The following ARHGEF1 variants were observed in gnomAD, a reference collection of about 807,000 sequenced individuals.
The protein encoded by ARHGEF1 is 115 kDa guanine nucleotide exchange factor.
In ARHGEF1, 40 loss-of-function variants were observed where a neutral mutation model predicts 119.7. That is an observed-to-expected ratio of 0.33 (90% CI 0.26 to 0.44). The LOEUF (loss-of-function observed/expected upper bound fraction) is 0.44. Ranked by LOEUF, ARHGEF1 falls within the 20% of genes least tolerant of loss-of-function variation. The pLI is 1.00. For synonymous variants in ARHGEF1, 494 were observed against 521.0 expected (o/e 0.95, Z 0.71); for missense variants, 976 against 1,268.3 (o/e 0.77, Z 3.50).
At chr19:41,907,604 C>T, downstream of ARHGEF1, 1 of 586,356 alleles carries the variant, frequency 1.7e-6, no homozygotes, top group Non-Finnish European at 2.9e-6. Flanking sequence ...ACCGTTACTC[C>T]CCAGGCACTC....
intron 1 of ARHGEF1, among the ~76,000 whole-genome samples, chr19:41,926,417 A>G (rs2074870683): frequency 6.6e-6 from 1 of 152,136 alleles, no homozygotes; most frequent in African/African-American, 2.4e-5. Context: ...AAGGGGGAAC[A>G]TGGATGTGAC....
Position 41,902,910 on chromosome 19 carries a change from C to G in ARHGEF1, c.1738+12C>G. The G allele has an allele frequency of 6.4e-7, 1 of 1,559,682 alleles. No individual in the cohort carries two copies. The highest frequency in any genetic ancestry group is 8.7e-7 in the Non-Finnish European group (1 of 1,154,442). On this transcript the variant is annotated intron_variant, in intron 18 of 28. Coordinates refer to ENST00000354532, the MANE Select transcript of ARHGEF1 (RefSeq NM_004706.4). This position sits in a 1 kb window ranked among gnomAD's most constrained non-coding sequence, Gnocchi z 6.5. ...CGGGCAGAACACAGGTACCGCGGGC[C>G]TGGATCTCTGGGCCTCGGCTCTCCT...
intron 1 of ARHGEF1, chr19:41,927,999 G>A (rs1011850434): frequency 6.6e-6 from 1 of 150,848 alleles, no homozygotes; most frequent in Non-Finnish European, 1.5e-5. Flanking sequence ...GGGAATCCCC[G>A]CCCCCTCCCC....
chr19:41,921,057 G>A (rs566567032), upstream of ARHGEF1, among the ~76,000 whole-genome samples: 160 of 152,338 alleles, frequency 1.1e-3, no homozygotes, highest in African/African-American at 3.4e-3. The surrounding 1 kb of genome is among the most constrained non-coding windows in gnomAD (Gnocchi z 4.4). Flanking sequence ...GAGGGGTGGC[G>A]AGGGAGCGTC....
At chr19:41,895,164 G>A (rs1568815651) in intron 11 of ARHGEF1, among the ~76,000 whole-genome samples, 185 bp from the exon 12 acceptor site, 1 of 151,496 alleles carries the variant, frequency 6.6e-6, no homozygotes, top group Non-Finnish European at 1.5e-5. Flanking sequence ...TGAGGGAGGA[G>A]GGGCTGGGGG....
chr19:41,921,180 T>A (rs1235837631), upstream of ARHGEF1, among the ~76,000 whole-genome samples: 1 of 151,528 alleles, frequency 6.6e-6, no homozygotes, highest in African/African-American at 2.4e-5. This position sits in a 1 kb window ranked among gnomAD's most constrained non-coding sequence, Gnocchi z 4.4. Flanking sequence ...GAGGTCTGGC[T>A]GCTCCCCAAC....
At chr19:41,908,130 G>T, downstream of ARHGEF1, 1 of 975,698 alleles carries the variant, frequency 1.0e-6, no homozygotes, top group South Asian at 5.2e-5. This position sits in a 1 kb window ranked among gnomAD's most constrained non-coding sequence, Gnocchi z 6.7. Context: ...GACCTGGGAG[G>T]TGCTGAGGGC....
Position 41,902,739 on chromosome 19 carries a change from G to T in ARHGEF1, c.1624-45G>T, listed in dbSNP as rs1344703867. On this transcript the variant is annotated intron_variant, in intron 17 of 28. Coordinates refer to ENST00000354532, the MANE Select transcript of ARHGEF1 (RefSeq NM_004706.4). The surrounding 1 kb of genome is among the most constrained non-coding windows in gnomAD (Gnocchi z 6.5). ...CTCCTAGGTGCCTGCGCCCTGGGGT[G>T]AGCCCAAAGCCTGGGCCATCGCAAC... 1 of 1,613,222 alleles carries T rather than the reference G, an allele frequency of 6.2e-7. No individual in the cohort carries two copies. The highest frequency in any genetic ancestry group is 1.3e-5 in the African/African-American group (1 of 75,038).
Position 41,904,793 on chromosome 19 carries a change from T to G in ARHGEF1, c.2162-156T>G, listed in dbSNP as rs2074663642. 6.6e-6 allele frequency among the ~76,000 whole-genome samples: 1 copy of G among 151,944 alleles called. No homozygotes were observed. The highest frequency in any genetic ancestry group is 1.5e-5 in the Non-Finnish European group (1 of 67,980). ...GAGAGGTGGGGCTCAGGAGGACACATCGGGCCCTGGATATTAGCAGACAGT... is the reference window on the plus strand; with the variant it reads ...GAGAGGTGGGGCTCAGGAGGACACAGCGGGCCCTGGATATTAGCAGACAGT... On this transcript the variant is annotated intron_variant, in intron 22 of 28. Transcript: ENST00000354532. The surrounding 1 kb of genome is among the most constrained non-coding windows in gnomAD (Gnocchi z 8.4).
At chr19:41,914,029 A>G (rs1201175373) in intron 18 of ARHGEF1, among the ~76,000 whole-genome samples, 9 of 146,676 alleles carry the variant, frequency 6.1e-5, no homozygotes, top group Non-Finnish European at 1.2e-4. Context: ...CCAGCCAGAA[A>G]CCCCTCAGAC....
chr19:41,923,428 TAC>T (rs1442073820), intron 1 of ARHGEF1, among the ~76,000 whole-genome samples: 4 of 148,326 alleles, frequency 2.7e-5, no homozygotes, highest in Non-Finnish European at 6.0e-5. Context: ...ACCAGAGAAA[TAC>T]AGAGAACAAA....
At chr19:41,912,970 G>C in intron 18 of ARHGEF1, 1 of 999,842 alleles carries the variant, frequency 1.0e-6, no homozygotes, top group Non-Finnish European at 1.3e-6. Flanking sequence ...GACGGGGTGG[G>C]CAGGAGAGAC....
rs1555852017 is a variant in ARHGEF1 at position 41,917,014 on chromosome 19, G to A, written c.1866-6078G>A. Among the ~76,000 whole-genome samples the A allele has an allele frequency of 6.6e-6, 1 of 152,100 alleles. No homozygotes were observed. Among genetic ancestry groups the A allele is most frequent in the African/African-American group, 2.4e-5 (1 of 41,408 alleles). Reference sequence around the variant, plus strand: ...CCCAAGCATGTCTCTGCATGGGTGTGTGTGTGTGTGTGCACATATGTGACA... The same window carrying A: ...CCCAAGCATGTCTCTGCATGGGTGTATGTGTGTGTGTGCACATATGTGACA... On this transcript the variant is annotated intron_variant, in intron 18 of 20. Coordinates refer to the ARHGEF1 transcript ENST00000599589. The surrounding 1 kb of genome is among the most constrained non-coding windows in gnomAD (Gnocchi z 4.8).
chr19:41,907,409 C>A lies in ARHGEF1; in HGVS notation c.*322C>A. 6.5e-7 allele frequency: 1 copy of A among 1,533,294 alleles called. No individual in the cohort carries two copies. The highest frequency in any genetic ancestry group is 8.7e-7 in the Non-Finnish European group (1 of 1,145,974). The allele number at this position is 1,533,294 out of a possible 1,614,324, so 95.0% of individuals were successfully genotyped here. Reference sequence around the variant, plus strand: ...AAGTGCCTTCGCTCTGTTTTTATACCCTGAATTGGAGGTTTATTTTTTAAT... The same window carrying A: ...AAGTGCCTTCGCTCTGTTTTTATACACTGAATTGGAGGTTTATTTTTTAAT... On this transcript the variant is annotated 3_prime_UTR_variant, in exon 29 of 29. Transcript: ENST00000354532.
intron 1 of ARHGEF1, chr19:41,927,901 G>C (rs930608061): frequency 2.0e-5 from 3 of 151,654 alleles, no homozygotes; most frequent in African/African-American, 7.3e-5. Context: ...CGGGGCGGAT[G>C]ACCCCATCCG....
rs192543176 is a variant in ARHGEF1, at chr19:41,902,410, C to T, written c.1497+54C>T. ...CAGCTAGACACATGGAATTCAGGCC[C>T]GGGACGGGTCCTGAGCCCACCCTAC... is the stretch of plus-strand genomic sequence containing the variant. On this transcript the variant is annotated intron_variant, in intron 16 of 28. Transcript: ENST00000354532. This position sits in a 1 kb window ranked among gnomAD's most constrained non-coding sequence, Gnocchi z 6.5. 4.9e-5 allele frequency: 79 copies of T among 1,612,232 alleles called. No homozygotes were observed. The Admixed American group carries it at 1.0e-3, about 20-fold the overall frequency.
chr19:41,918,978 A>T (rs1555852182), upstream of ARHGEF1, among the ~76,000 whole-genome samples: 1 of 151,546 alleles, frequency 6.6e-6, no homozygotes, highest in African/African-American at 2.4e-5. Flanking sequence ...CACCACACAC[A>T]CACACACCGC....
intron 13 of ARHGEF1, chr19:41,897,606 C>T (rs2074531557): frequency 3.7e-6 from 1 of 266,972 alleles, no homozygotes; most frequent in Non-Finnish European, 7.1e-6. Flanking sequence ...CCCCCCTCCC[C>T]CAAGACCCCC....
At position 41,906,567 on chromosome 19, in the gene ARHGEF1, C is replaced by T. The variant is rs782187203; in HGVS notation, c.2602C>T (p.Gln868Ter). 1.2e-6 allele frequency: 2 copies of T among 1,602,962 alleles called. No individual in the cohort carries two copies. The highest frequency in any genetic ancestry group is 1.7e-6 in the Non-Finnish European group (2 of 1,176,850). The change falls in exon 27 of 29, where the codon CAG becomes TAG. Residue 868 changes from glutamine to a stop codon, truncating the protein, a stop_gained. Transcript: ENST00000354532. LOFTEE classifies it high-confidence loss of function. This position sits in a 1 kb window ranked among gnomAD's most constrained non-coding sequence, Gnocchi z 4.5. ...GGGPLSPART[Q>*]EIQENLLSLE... is the part of the protein sequence containing the mutation. Reference sequence around the variant, plus strand: ...CGGCCCCCTGAGCCCAGCACGGACCCAGGAAATCCAGGAGAACCTGCTCAG... The same window carrying T: ...CGGCCCCCTGAGCCCAGCACGGACCTAGGAAATCCAGGAGAACCTGCTCAG...
Sources: gnomAD v4.1 joint callset for allele counts (sites outside exome capture counted in the v4.1 genomes callset) on GRCh38, gnomAD v4.1.1 for gene constraint, Gnocchi (gnomAD v3.1) non-coding constraint, MANE v1.5 for transcripts, NCBI Gene and HGNC (gene_info 2026-07-23, HGNC 2026-07-21) for gene names.